The following KCNAB1 variants were observed in gnomAD, a reference collection of about 807,000 sequenced individuals.
KCNAB1 encodes voltage-gated potassium channel subunit beta-1.
A neutral mutation model predicts 64.6 loss-of-function variants in KCNAB1; 35 were observed. The ratio of observed to expected loss-of-function variants is 0.54; its 90% CI spans 0.41 to 0.72. The LOEUF (loss-of-function observed/expected upper bound fraction) is 0.72, where lower values mean the gene tolerates loss of function less well. Ranked by LOEUF, KCNAB1 falls within the 30% of genes least tolerant of loss-of-function variation. The probability of loss-of-function intolerance (pLI) is 0.00; values close to 1 mark genes in which losing one functional copy is unlikely to be tolerated. For synonymous variants in KCNAB1, 177 were observed against 183.8 expected (o/e 0.96, Z 0.30); for missense variants, 401 against 512.9 (o/e 0.78, Z 2.11).
intron 1 of KCNAB1, chr3:156,218,160 A>T (rs1715438426): frequency 6.6e-6 from 1 of 152,266 alleles, no homozygotes; most frequent in Admixed American, 6.5e-5. Context: ...CATGGTGGGA[A>T]TGAGACCGGC....
intron 1 of KCNAB1, among the ~76,000 whole-genome samples, chr3:156,411,822 C>T (rs968484556): frequency 6.6e-6 from 1 of 152,112 alleles, no homozygotes; most frequent in Non-Finnish European, 1.5e-5. Context: ...AGTATGAGTC[C>T]TCCAGCTTTA....
At chr3:156,380,540 C>A (rs764725516) in intron 1 of KCNAB1, among the ~76,000 whole-genome samples, 1 of 152,122 alleles carries the variant, frequency 6.6e-6, no homozygotes, top group Non-Finnish European at 1.5e-5. Context: ...ATTTCTAGAG[C>A]ACTTATCAGG....
At chr3:156,494,150 G>A (rs1715834329) in intron 8 of KCNAB1, among the ~76,000 whole-genome samples, 1 of 152,048 alleles carries the variant, frequency 6.6e-6, no homozygotes, top group South Asian at 2.1e-4. Context: ...CACTTTCAAC[G>A]TTTGCAGGGG....
intron 1 of KCNAB1, among the ~76,000 whole-genome samples, chr3:156,165,952 C>T (rs1310631670): frequency 6.6e-6 from 1 of 152,158 alleles, no homozygotes; most frequent in Non-Finnish European, 1.5e-5. Flanking sequence ...GTAAGGGATT[C>T]TAAGGCTGTG....
chr3:156,480,700 GT>G (rs1189802270), intron 8 of KCNAB1, among the ~76,000 whole-genome samples: 2 of 151,810 alleles, frequency 1.3e-5, no homozygotes, highest in Admixed American at 6.6e-5. Context: ...TTTGAAATCA[GT>G]TGTGTACACC....
chr3:156,145,156 G>C (rs934385969), intron 1 of KCNAB1, among the ~76,000 whole-genome samples: 53 of 152,276 alleles, frequency 3.5e-4, no homozygotes, highest in African/African-American at 1.2e-3. Flanking sequence ...TTGGACAAGG[G>C]TGTATGCTAC....
chr3:156,177,632 C>T (rs1447201426), intron 1 of KCNAB1, among the ~76,000 whole-genome samples: 2 of 152,030 alleles, frequency 1.3e-5, no homozygotes, highest in Non-Finnish European at 2.9e-5. Flanking sequence ...CCGCCTTGGC[C>T]TCCCAAAGTG....
chr3:156,460,233 T>C (rs1035657400), intron 5 of KCNAB1: 2 of 193,246 alleles, frequency 1.0e-5, no homozygotes, highest in African/African-American at 4.7e-5. Flanking sequence ...ACACATGCAT[T>C]TATGTTTGCT....
chr3:156,501,514 C>T (rs1178850206), intron 8 of KCNAB1, among the ~76,000 whole-genome samples: 2 of 147,822 alleles, frequency 1.4e-5, no homozygotes, highest in East Asian at 4.0e-4. Context: ...TCACTGCAAC[C>T]TCTGCCTGCG....
Position 156,459,847 on chromosome 3 carries a change from G to A in KCNAB1, c.458G>A (p.Ser153Asn). The change falls in exon 5 of 14, where the codon AGC becomes AAC. Residue 153 changes from serine (S) to asparagine (N), a missense_variant. Physicochemically the swap from Ser to Asn is conservative, Grantham distance 46. Coordinates refer to ENST00000490337, the MANE Select transcript of KCNAB1 (RefSeq NM_172160.3). ...AAGKAEVILG[S>N]IIKKKGWRRS... ...TCCAGGGCTGAAGTGATTCTGGGGA[G>A]CATCATCAAGAAGAAAGGCTGGAGG... 1.2e-6 allele frequency: 2 copies of A among 1,610,790 alleles called. No individual in the cohort carries two copies. Among genetic ancestry groups the A allele is most frequent in the Non-Finnish European group, 1.7e-6 (2 of 1,177,394 alleles).
At chr3:156,195,146 T>G (rs958071857) in intron 1 of KCNAB1, among the ~76,000 whole-genome samples, 2 of 152,226 alleles carry the variant, frequency 1.3e-5, no homozygotes, top group Admixed American at 1.3e-4. Context: ...TAGTATTCCA[T>G]GGTGTATATG....
chr3:156,535,544 T>TG (rs1399209510), intron 13 of KCNAB1, among the ~76,000 whole-genome samples: 2 of 152,170 alleles, frequency 1.3e-5, no homozygotes, highest in African/African-American at 4.8e-5. Flanking sequence ...CAGCTGCACT[T>TG]GCAGCTGCTC....
intron 12 of KCNAB1, among the ~76,000 whole-genome samples, chr3:156,525,027 A>G (rs970720353): frequency 6.6e-6 from 1 of 152,200 alleles, no homozygotes; most frequent in Non-Finnish European, 1.5e-5. Flanking sequence ...ATAAAAGTCT[A>G]GCACACACAA....
At chr3:156,394,206 G>C (rs1241459368) in intron 1 of KCNAB1, among the ~76,000 whole-genome samples, 1 of 152,202 alleles carries the variant, frequency 6.6e-6, no homozygotes, top group Non-Finnish European at 1.5e-5. Context: ...TGCTGGAGAA[G>C]AGAAACCTGG....
intron 10 of KCNAB1, among the ~76,000 whole-genome samples, chr3:156,515,572 CA>C (rs1162467398): frequency 6.6e-6 from 1 of 151,842 alleles, no homozygotes; most frequent in African/African-American, 2.4e-5. Flanking sequence ...GACTACCTTT[CA>C]AAAAAAATCA....
chr3:156,343,268 A>G (rs964115461), intron 1 of KCNAB1, among the ~76,000 whole-genome samples: 1 of 152,242 alleles, frequency 6.6e-6, no homozygotes, highest in Non-Finnish European at 1.5e-5. Context: ...CTGATTCAGT[A>G]GGTCTGAGAA....
intron 1 of KCNAB1, among the ~76,000 whole-genome samples, chr3:156,357,186 C>T (rs1206616875): frequency 2.6e-5 from 4 of 151,892 alleles, no homozygotes; most frequent in Non-Finnish European, 5.9e-5. Context: ...CACACACACA[C>T]CCCTGTTCTG....
At chr3:156,459,217 G>A (rs1187750457) in intron 4 of KCNAB1, among the ~76,000 whole-genome samples, 1 of 152,166 alleles carries the variant, frequency 6.6e-6, no homozygotes, top group Admixed American at 6.5e-5. Context: ...AAGAGGAGAG[G>A]ATGGTGGATG....
chr3:156,476,368 T>C (rs1024022678), intron 8 of KCNAB1, among the ~76,000 whole-genome samples: 2 of 152,106 alleles, frequency 1.3e-5, no homozygotes, highest in African/African-American at 4.8e-5. Flanking sequence ...CATAGCTTAG[T>C]TCTCACATAT....
Sources: allele counts gnomAD v4.1 joint callset (sites outside exome capture counted in the v4.1 genomes callset), GRCh38; gene constraint gnomAD v4.1.1; transcripts MANE v1.5; gene names NCBI Gene and HGNC (gene_info 2026-07-23, HGNC 2026-07-21).